KCNJ1: variants seen among roughly 807,000 people sequenced by gnomAD.
KCNJ1 encodes potassium inwardly rectifying channel subfamily J member 1, also known as ATP-sensitive inward rectifier potassium channel 1.
A neutral mutation model predicts 21.9 loss-of-function variants in KCNJ1; 24 were observed. That is an observed-to-expected ratio of 1.10 (90% CI 0.79 to 1.54). The LOEUF is 1.54. Among genes scored for constraint, KCNJ1 ranks in the 40% most tolerant of loss-of-function variants. KCNJ1 has a pLI of 0.00. For missense variants in KCNJ1, 457 were observed against 455.4 expected (o/e 1.00, Z -0.03); for synonymous variants, 152 against 160.9 (o/e 0.94, Z 0.42).
chr11:128,849,807 A>G (rs975865870), intron 2 of KCNJ1, among the ~76,000 whole-genome samples: 2 of 152,112 alleles, frequency 1.3e-5, no homozygotes, highest in Non-Finnish European at 1.5e-5. Context: ...AGGCCTCTAC[A>G]GGGTGTTGTT....
chr11:128,845,359 G>A (rs1477579792), intron 2 of KCNJ1, among the ~76,000 whole-genome samples: 1 of 152,242 alleles, frequency 6.6e-6, no homozygotes, highest in East Asian at 1.9e-4. Context: ...AGACCCAGAA[G>A]GTTGGGTGGG....
chr11:128,856,763 T>G (rs1298314784), intron 1 of KCNJ1, among the ~76,000 whole-genome samples: 1 of 152,086 alleles, frequency 6.6e-6, no homozygotes, highest in Non-Finnish European at 1.5e-5. Flanking sequence ...TCAGCAAATC[T>G]TGTCTGCTCT....
intron 1 of KCNJ1, among the ~76,000 whole-genome samples, chr11:128,865,051 C>CA (rs1210577034): frequency 6.6e-6 from 1 of 152,106 alleles, no homozygotes; most frequent in Non-Finnish European, 1.5e-5. Context: ...CACCCACCCT[C>CA]AGCCACACCA....
At position 128,839,410 on chromosome 11, in the gene KCNJ1, T is replaced by C. The variant is rs1486442103; in HGVS notation, c.834A>G (p.Leu278=). Residue 278 remains leucine (L), a synonymous_variant, in exon 3 of 3, where the codon TTA becomes TTG. Transcript: ENST00000392666. ...LQQDFELVVF[L]DGTVESTSAT... ...CACTGGTGGACTCCACTGTGCCATC[T>C]AAAAACACCACTAATTCAAAGTCCT... 3 of 1,614,210 alleles carry C rather than the reference T, an allele frequency of 1.9e-6. No individual in the cohort carries two copies. The highest frequency in any genetic ancestry group is 1.1e-5 in the South Asian group (1 of 91,082).
intron 2 of KCNJ1, among the ~76,000 whole-genome samples, chr11:128,845,796 G>T (rs536908925): frequency 1.3e-5 from 2 of 152,252 alleles, no homozygotes; most frequent in Non-Finnish European, 1.5e-5. Context: ...TGCACTTCAG[G>T]AATACCCTAC....
chr11:128,864,943 G>C (rs527576929), intron 1 of KCNJ1, among the ~76,000 whole-genome samples: 1 of 151,806 alleles, frequency 6.6e-6, no homozygotes, highest in African/African-American at 2.4e-5. Context: ...ATCTTACCCC[G>C]GTTCTCACCA....
At chr11:128,852,708 C>A (rs1943497789) in intron 1 of KCNJ1, among the ~76,000 whole-genome samples, 1 of 152,284 alleles carries the variant, frequency 6.6e-6, no homozygotes, top group African/African-American at 2.4e-5. Context: ...TTACCGGGCA[C>A]AGCCCACCCA....
chr11:128,866,579 C>T, intron 1 of KCNJ1: 2 of 954,886 alleles, frequency 2.1e-6, no homozygotes, highest in Non-Finnish European at 2.5e-6. Flanking sequence ...ATTGTCACAA[C>T]AGTCATTAGG....
chr11:128,849,255 G>A (rs748520085), intron 2 of KCNJ1, among the ~76,000 whole-genome samples: 8 of 152,208 alleles, frequency 5.3e-5, no homozygotes, highest in Non-Finnish European at 1.0e-4. Flanking sequence ...CAACTGACAA[G>A]TCTTTGCTTT....
At chr11:128,849,050 G>A (rs927935331) in intron 2 of KCNJ1, among the ~76,000 whole-genome samples, 72 of 152,348 alleles carry the variant, frequency 4.7e-4, no homozygotes, top group African/African-American at 1.5e-3. Flanking sequence ...CTCTGGAGTA[G>A]TGGCATTCTG....
At chr11:128,861,958 C>T (rs570890049) in intron 1 of KCNJ1, among the ~76,000 whole-genome samples, 1 of 152,098 alleles carries the variant, frequency 6.6e-6, no homozygotes, top group Non-Finnish European at 1.5e-5. Flanking sequence ...AGCTCTCGGC[C>T]GCGCTTCTCC....
intron 1 of KCNJ1, among the ~76,000 whole-genome samples, chr11:128,854,646 C>G (rs1164280777): frequency 1.3e-5 from 2 of 152,152 alleles, no homozygotes; most frequent in Non-Finnish European, 2.9e-5. Flanking sequence ...TCCCACTGTG[C>G]ATGTCCAGAG....
At chr11:128,842,452 G>C (rs375678770) in intron 2 of KCNJ1, 2 of 1,613,516 alleles carry the variant, frequency 1.2e-6, no homozygotes, top group South Asian at 2.2e-5. Context: ...GCTGGTTGTT[G>C]GTCTTTCTAT....
chr11:128,864,189 C>T (rs974910004), intron 1 of KCNJ1, among the ~76,000 whole-genome samples: 1 of 145,132 alleles, frequency 6.9e-6, no homozygotes, highest in Non-Finnish European at 1.5e-5. Context: ...CGGGTTCAAG[C>T]AATTCTCATG....
intron 2 of KCNJ1, chr11:128,842,548 CTTAAT>C (rs1943301915): frequency 1.3e-6 from 2 of 1,542,508 alleles, no homozygotes; most frequent in South Asian, 2.5e-5. Flanking sequence ...CTTGGAAACA[CTTAAT>C]TTGATAGTGG....
chr11:128,846,392 T>C (rs926191395), intron 2 of KCNJ1, among the ~76,000 whole-genome samples: 7 of 152,176 alleles, frequency 4.6e-5, no homozygotes, highest in African/African-American at 1.7e-4. Flanking sequence ...AATTTCAAAC[T>C]AGCATGGCAG....
chr11:128,842,245 TA>T, intron 2 of KCNJ1: 1 of 1,036,110 alleles, frequency 9.7e-7, no homozygotes, highest in Non-Finnish European at 1.5e-6. Context: ...CTTTTAAAGG[TA>T]AAGAAGATTT....
intron 2 of KCNJ1, among the ~76,000 whole-genome samples, chr11:128,844,302 A>T (rs1042892197): frequency 6.6e-6 from 1 of 152,228 alleles, no homozygotes; most frequent in Non-Finnish European, 1.5e-5. Flanking sequence ...GAGCATAGAA[A>T]GCCTCAGTGA....
rs1409801966 is a variant in KCNJ1, at chr11:128,838,547, G to C, written c.*578C>G. 6.5e-6 allele frequency: 1 copy of C among 154,716 alleles called. No homozygotes were observed. The highest frequency in any genetic ancestry group is 1.4e-5 in the Non-Finnish European group (1 of 69,900). 9.6% of individuals were successfully genotyped at this position (154,716 alleles called of 1,614,324 possible). A position where few individuals can be genotyped will look rare whatever the true frequency, so the allele number is the denominator to read the frequency against. On this transcript the variant is annotated 3_prime_UTR_variant, in exon 3 of 3. Coordinates refer to ENST00000392666, the MANE Select transcript of KCNJ1 (RefSeq NM_153766.3). ...AGGAAGGTATCATCAAGATTCTAGTGTGCAGATTTAGCCTCTGTCTAAACG... is the reference window on the plus strand; with the variant it reads ...AGGAAGGTATCATCAAGATTCTAGTCTGCAGATTTAGCCTCTGTCTAAACG...
Sources: allele counts gnomAD v4.1 joint callset (sites outside exome capture counted in the v4.1 genomes callset), GRCh38; gene constraint gnomAD v4.1.1; transcripts MANE v1.5; gene names NCBI Gene and HGNC (gene_info 2026-07-23, HGNC 2026-07-21).